Variants in CMTM8 observed in about 807,000 individuals in gnomAD.
The protein encoded by CMTM8 is CKLF like MARVEL transmembrane domain containing 8.
CMTM8 carries 12 observed loss-of-function variants against 18.6 expected under a neutral mutation model. That is an observed-to-expected ratio of 0.65 (90% CI 0.41 to 1.05). The LOEUF (loss-of-function observed/expected upper bound fraction) is 1.05. Among genes scored for constraint, CMTM8 ranks in the 50% least tolerant of loss-of-function variants. The pLI is 0.00. For missense variants in CMTM8, 217 were observed against 227.2 expected (o/e 0.95, Z 0.29); for synonymous variants, 87 against 90.6 (o/e 0.96, Z 0.23).
chr3:32,338,229 G>A (rs542858089), intron 1 of CMTM8, among the ~76,000 whole-genome samples: 174 of 152,050 alleles, frequency 1.1e-3, no homozygotes, highest in African/African-American at 3.9e-3. Flanking sequence ...TGATCTGCCC[G>A]CCTCGGCCTC....
At chr3:32,335,169 G>A (rs1274277395) in intron 1 of CMTM8, among the ~76,000 whole-genome samples, 1 of 152,224 alleles carries the variant, frequency 6.6e-6, no homozygotes, top group Non-Finnish European at 1.5e-5. Flanking sequence ...GAGATGGAAG[G>A]AAGGATCTGG....
chr3:32,333,631 CAAAA>C (rs10576288), intron 1 of CMTM8, among the ~76,000 whole-genome samples: 18 of 114,814 alleles, frequency 1.6e-4, no homozygotes, highest in Admixed American at 1.9e-4. Context: ...ACTTTTCCAC[CAAAA>C]AAAAAAAAAA....
chr3:32,271,091 T>C (rs1382294890), intron 1 of CMTM8, among the ~76,000 whole-genome samples: 1 of 152,200 alleles, frequency 6.6e-6, no homozygotes, highest in Non-Finnish European at 1.5e-5. Context: ...CCTTGTAGCC[T>C]CTGCCCTCTT....
At chr3:32,239,238 T>G (rs1407783752) in intron 1 of CMTM8, 119 bp downstream of exon 1, 1 of 1,124,756 alleles carries the variant, frequency 8.9e-7, no homozygotes, top group Non-Finnish European at 1.2e-6. Context: ...GGAACCGTTT[T>G]TGCTCAGCCT....
chr3:32,298,939 A>ATG (rs1553604475), intron 1 of CMTM8, among the ~76,000 whole-genome samples: 259 of 69,538 alleles, frequency 3.7e-3, no homozygotes, highest in African/African-American at 0.013. Flanking sequence ...ATATATATAT[A>ATG]TGTATATATA....
At chr3:32,266,940 A>G (rs1373762619) in intron 1 of CMTM8, among the ~76,000 whole-genome samples, 4 of 152,148 alleles carry the variant, frequency 2.6e-5, no homozygotes, top group Non-Finnish European at 4.4e-5. Context: ...ACTGCTCAAC[A>G]AAATAAAAGA....
At chr3:32,311,877 T>C (rs1367669784) in intron 1 of CMTM8, among the ~76,000 whole-genome samples, 3 of 152,146 alleles carry the variant, frequency 2.0e-5, no homozygotes, top group Non-Finnish European at 2.9e-5. Flanking sequence ...TGAGGCAAAT[T>C]AACACAGGTA....
chr3:32,305,265 C>A (rs1311244840), intron 1 of CMTM8, among the ~76,000 whole-genome samples: 1 of 142,806 alleles, frequency 7.0e-6, no homozygotes, highest in Non-Finnish European at 1.5e-5. Context: ...GAGTCTCGCT[C>A]TGTCACCCAG....
chr3:32,260,633 A>G (rs914793014), intron 1 of CMTM8, among the ~76,000 whole-genome samples: 5 of 149,098 alleles, frequency 3.4e-5, no homozygotes, highest in African/African-American at 9.8e-5. Context: ...TTAACATCTG[A>G]TAGGATAATC....
intron 1 of CMTM8, among the ~76,000 whole-genome samples, chr3:32,326,808 G>A (rs770919543): frequency 4.6e-5 from 7 of 152,112 alleles, no homozygotes; most frequent in Non-Finnish European, 8.8e-5. Context: ...GAGCCACCAG[G>A]CACAGTCAGT....
chr3:32,360,428 C>T (rs1429937405), intron 2 of CMTM8, among the ~76,000 whole-genome samples: 1 of 152,218 alleles, frequency 6.6e-6, no homozygotes, highest in East Asian at 1.9e-4. Context: ...TTTACTGTTA[C>T]AACTAAATAC....
At chr3:32,348,911 C>T (rs1347432150) in intron 1 of CMTM8, among the ~76,000 whole-genome samples, 1 of 151,882 alleles carries the variant, frequency 6.6e-6, no homozygotes, top group East Asian at 1.9e-4. Flanking sequence ...TAGGTTTTCT[C>T]GATTTTATCA....
chr3:32,311,885 G>T (rs62243310), intron 1 of CMTM8, among the ~76,000 whole-genome samples: 9,432 of 152,244 alleles, frequency 0.062, 306 homozygotes, highest in African/African-American at 0.079. Flanking sequence ...ATTAACACAG[G>T]TAGAGAATTG....
chr3:32,325,698 C>A (rs1696136603), intron 1 of CMTM8, among the ~76,000 whole-genome samples: 1 of 152,178 alleles, frequency 6.6e-6, no homozygotes, highest in African/African-American at 2.4e-5. Flanking sequence ...TTGTGATTTT[C>A]AATGAAAAGG....
chr3:32,330,899 G>C (rs1352242226), intron 1 of CMTM8, among the ~76,000 whole-genome samples: 1 of 152,124 alleles, frequency 6.6e-6, no homozygotes, highest in African/African-American at 2.4e-5. Context: ...AAGAAAATGA[G>C]AAAAGCTTCA....
Position 32,252,850 on chromosome 3 carries a change from C to T in CMTM8, c.147+13731C>T, listed in dbSNP as rs192492133. ...ATGATGTAGATATCCTTGGCTTGCTCATAACTTTAATTGGATATTTCCAAT... is the reference window on the plus strand; with the variant it reads ...ATGATGTAGATATCCTTGGCTTGCTTATAACTTTAATTGGATATTTCCAAT... On this transcript the variant is annotated intron_variant, in intron 1 of 3. Transcript: ENST00000307526. Among the ~76,000 whole-genome samples the T allele has an allele frequency of 8.5e-3, 1,294 of 152,252 alleles. 8 individuals carry two copies. The highest frequency in any genetic ancestry group is 0.014 in the Middle Eastern group (4 of 294).
chr3:32,282,783 C>G (rs1315245877), intron 1 of CMTM8, among the ~76,000 whole-genome samples: 2 of 152,162 alleles, frequency 1.3e-5, no homozygotes, highest in African/African-American at 4.8e-5. Flanking sequence ...ATCCTGCGCT[C>G]CACTCCTGGG....
At chr3:32,260,108 A>T in intron 1 of CMTM8, 1 of 1,059,242 alleles carries the variant, frequency 9.4e-7, no homozygotes, top group Admixed American at 1.7e-5. Flanking sequence ...CGAGGACTTC[A>T]ATCTTGGTGA....
At chr3:32,345,271 C>T (rs1696575557) in intron 1 of CMTM8, among the ~76,000 whole-genome samples, 1 of 152,086 alleles carries the variant, frequency 6.6e-6, no homozygotes, top group African/African-American at 2.4e-5. Context: ...AGGAAGATCA[C>T]CTGAGCCCAG....
Sources: allele counts gnomAD v4.1 joint callset (sites outside exome capture counted in the v4.1 genomes callset), GRCh38; gene constraint gnomAD v4.1.1; transcripts MANE v1.5; gene names NCBI Gene and HGNC (gene_info 2026-07-23, HGNC 2026-07-21).